Variants in UBP1 observed in about 807,000 individuals in gnomAD.
UBP1 encodes the protein upstream binding protein 1, also known as upstream-binding protein 1.
In UBP1, 22 loss-of-function variants were observed where a neutral mutation model predicts 76.1. That is an observed-to-expected ratio of 0.29 (90% CI 0.21 to 0.41). UBP1 has a LOEUF of 0.41. Among genes scored for constraint, UBP1 ranks in the 10% least tolerant of loss-of-function variants. The pLI, the probability that UBP1 is intolerant of heterozygous loss-of-function variation, is 1.00. For synonymous variants in UBP1, 224 were observed against 237.1 expected (o/e 0.94, Z 0.51); for missense variants, 436 against 668.1 (o/e 0.65, Z 3.83).
chr3:33,430,064 C>G (rs1216284400), intron 1 of UBP1, among the ~76,000 whole-genome samples: 1 of 152,136 alleles, frequency 6.6e-6, no homozygotes, highest in Non-Finnish European at 1.5e-5. Context: ...TTAAATGAAC[C>G]TATACCCCAT....
chr3:33,400,489 A>T (rs2044182957), intron 10 of UBP1, among the ~76,000 whole-genome samples: 1 of 152,186 alleles, frequency 6.6e-6, no homozygotes, highest in Non-Finnish European at 1.5e-5. Context: ...AAAAGAGAAA[A>T]ATCATGCCGC....
chr3:33,419,803 C>T (rs1401850397), intron 2 of UBP1, among the ~76,000 whole-genome samples: 1 of 152,138 alleles, frequency 6.6e-6, no homozygotes, highest in Non-Finnish European at 1.5e-5. Flanking sequence ...AATACCACGG[C>T]TTCCTGAAAC....
chr3:33,402,962 A>G (rs557461010), intron 8 of UBP1, 58 bp from the exon 9 acceptor site: 1 of 1,428,956 alleles, frequency 7.0e-7, no homozygotes, highest in African/African-American at 1.4e-5. Context: ...TGGAAGAAAT[A>G]TTTTTGTAAT....
At chr3:33,440,896 C>T (rs1215860212), upstream of UBP1, 3 of 152,366 alleles carry the variant, frequency 2.0e-5, no homozygotes, top group East Asian at 5.8e-4. Flanking sequence ...GCCCTCTCTA[C>T]CGAGGGAGTG....
rs948146554 is a variant in UBP1 at position 33,390,120 on chromosome 3, C to T, written c.*211G>A. 15 of 563,642 alleles carry T rather than the reference C, an allele frequency of 2.7e-5. 1 individual carries two copies. Among genetic ancestry groups the T allele is most frequent in the African/African-American group, 7.5e-5 (4 of 53,276 alleles). 34.9% of individuals were successfully genotyped at this position (563,642 alleles called of 1,614,324 possible). On this transcript the variant is annotated 3_prime_UTR_variant, in exon 16 of 16. Coordinates refer to ENST00000283629, the MANE Select transcript of UBP1 (RefSeq NM_014517.5). The stretch of plus-strand genomic sequence containing the variant: ...CTCCAGAGCTGGATGCATGCTGTGC[C>T]GATGTGCTCACTCTCATGAGGATGC...
In UBP1 at chr3:33,396,268, G is replaced by A. The variant is rs1232483614; in HGVS notation, c.1284C>T (p.Pro428=). 6.3e-7 allele frequency: 1 copy of A among 1,578,246 alleles called. No individual in the cohort carries two copies. Among genetic ancestry groups the A allele is most frequent in the Middle Eastern group, 1.7e-4 (1 of 5,958 alleles). Residue 428 remains proline, a synonymous_variant, in exon 13 of 16, where the codon CCC becomes CCT. Transcript: ENST00000283629. The part of the protein sequence containing the change: ...YNSLKSRSVR[P]RLTIYVCREQ... ...CCCGGCAGACATAGATGGTTAAACG[G>A]GGTCTAACCGACCTGCAATCAGAAG...
chr3:33,438,555 C>T (rs925323683), intron 1 of UBP1, among the ~76,000 whole-genome samples: 2 of 152,182 alleles, frequency 1.3e-5, no homozygotes, highest in Non-Finnish European at 2.9e-5. Flanking sequence ...TTAAGTTATA[C>T]AACTGCAGAG....
chr3:33,401,957 A>G (rs1000986770), intron 9 of UBP1, among the ~76,000 whole-genome samples: 1 of 152,196 alleles, frequency 6.6e-6, no homozygotes, highest in Admixed American at 6.5e-5. Context: ...CTCTTAAAGC[A>G]TAATAGCCTA....
At chr3:33,391,517 C>G (rs373064385) in intron 15 of UBP1, 1 of 152,212 alleles carries the variant, frequency 6.6e-6, no homozygotes, top group African/African-American at 2.4e-5. Context: ...CTCTGAGCCC[C>G]AGACTGGTAA....
chr3:33,389,622 CA>C lies in UBP1; in HGVS notation c.*708del, dbSNP rs1295253848. ...TGGAAGCAGAAGCAAAAAAGTTTTT[CA>C]ATAAATCTGTGACAAAGCCAAAACA... On this transcript the variant is annotated 3_prime_UTR_variant, in exon 16 of 16. Coordinates refer to ENST00000283629, the MANE Select transcript of UBP1 (RefSeq NM_014517.5). 2.6e-5 allele frequency: 4 copies of C among 152,166 alleles called. No homozygotes were observed. Among genetic ancestry groups the C allele is most frequent in the Admixed American group, 2.0e-4 (3 of 15,270 alleles). The allele number at this position is 152,166 out of a possible 1,614,324, so 9.4% of individuals were successfully genotyped here.
intron 1 of UBP1, among the ~76,000 whole-genome samples, chr3:33,435,276 G>GA (rs1335021263): frequency 8.6e-5 from 13 of 151,572 alleles, no homozygotes; most frequent in South Asian, 4.2e-4. Context: ...AGATTCTAAG[G>GA]AAAAAAAACA....
At chr3:33,436,824 TG>T (rs2045211509) in intron 1 of UBP1, among the ~76,000 whole-genome samples, 1 of 152,160 alleles carries the variant, frequency 6.6e-6, no homozygotes, top group Non-Finnish European at 1.5e-5. Flanking sequence ...TCACTCTGTG[TG>T]GGGGAAAAAT....
At chr3:33,406,226 C>T (rs968773931) in intron 8 of UBP1, among the ~76,000 whole-genome samples, 1 of 152,162 alleles carries the variant, frequency 6.6e-6, no homozygotes, top group Non-Finnish European at 1.5e-5. Flanking sequence ...CTTGGCAATA[C>T]AGTGAAAGCC....
chr3:33,400,943 T>C lies in UBP1; in HGVS notation c.1086+19A>G, dbSNP rs766627387. 73 of 1,591,502 alleles carry C rather than the reference T, an allele frequency of 4.6e-5. 1 individual carries two copies. In the Middle Eastern group the frequency reaches 1.5e-3, roughly 33 times the overall value. On this transcript the variant is annotated intron_variant, in intron 10 of 15. Coordinates refer to ENST00000283629, the MANE Select transcript of UBP1 (RefSeq NM_014517.5). ...AGAACCCTGAAAGCATCAGATAGTT[T>C]TAGGAGAAAGATACTTACTTCACCA...
chr3:33,430,158 G>A (rs1374933819), intron 1 of UBP1, among the ~76,000 whole-genome samples: 2 of 152,144 alleles, frequency 1.3e-5, no homozygotes, highest in South Asian at 2.1e-4. Context: ...ACAAGATAAA[G>A]AAACAGGCTG....
chr3:33,412,321 A>G lies in UBP1; in HGVS notation c.448+401T>C, dbSNP rs559933806. On this transcript the variant is annotated intron_variant, in intron 4 of 15. Transcript: ENST00000283629. ...TATAAAACAACTCTCTCGGTTCTTT[A>G]TAATACGAGGATGGGAAAAAAATAA... 2.1e-4 allele frequency among the ~76,000 whole-genome samples: 32 copies of G among 152,180 alleles called. No individual in the cohort carries two copies. In the East Asian group the frequency reaches 4.0e-3, roughly 19 times the overall value.
chr3:33,408,643 T>C, intron 8 of UBP1, 47 bp downstream of exon 8: 1 of 1,544,222 alleles, frequency 6.5e-7, no homozygotes, highest in Non-Finnish European at 8.8e-7. Flanking sequence ...TATCTAACAC[T>C]GCACAAGGTT....
At chr3:33,431,857 G>A (rs185331245) in intron 1 of UBP1, among the ~76,000 whole-genome samples, 2 of 152,272 alleles carry the variant, frequency 1.3e-5, no homozygotes, top group East Asian at 3.9e-4. Flanking sequence ...GTGTCATTAA[G>A]CTTTCTAGAT....
At chr3:33,401,620 T>C (rs2044231628) in intron 9 of UBP1, among the ~76,000 whole-genome samples, 1 of 152,208 alleles carries the variant, frequency 6.6e-6, no homozygotes, top group Admixed American at 6.5e-5. Context: ...ACTCCTTTCT[T>C]AGCCCCCGTG....
Sources: gnomAD v4.1 joint callset for allele counts (sites outside exome capture counted in the v4.1 genomes callset) on GRCh38, gnomAD v4.1.1 for gene constraint, MANE v1.5 for transcripts, NCBI Gene and HGNC (gene_info 2026-07-23, HGNC 2026-07-21) for gene names.